Variants in PRKCH observed in about 807,000 individuals in gnomAD.
PRKCH encodes protein kinase C eta type.
A neutral mutation model predicts 82.5 loss-of-function variants in PRKCH; 28 were observed. The observed-to-expected ratio is 0.34, with a 90% CI of 0.25 to 0.47. The LOEUF (loss-of-function observed/expected upper bound fraction) is 0.47, where lower values mean the gene tolerates loss of function less well. Among genes scored for constraint, PRKCH ranks in the 20% least tolerant of loss-of-function variants. The probability of loss-of-function intolerance (pLI) is 1.00; values close to 1 mark genes in which losing one functional copy is unlikely to be tolerated. For missense variants in PRKCH, 705 were observed against 881.8 expected (o/e 0.80, Z 2.54); for synonymous variants, 322 against 327.4 (o/e 0.98, Z 0.18).
intron 1 of PRKCH, among the ~76,000 whole-genome samples, chr14:61,260,473 T>C (rs1049389731): frequency 2.0e-5 from 3 of 152,200 alleles, no homozygotes; most frequent in Non-Finnish European, 4.4e-5. Context: ...AAAACTATCA[T>C]ATGTTTATTG....
chr14:61,409,537 C>CA (rs113038985), intron 2 of PRKCH, among the ~76,000 whole-genome samples: 1 of 149,530 alleles, frequency 6.7e-6, no homozygotes, highest in Non-Finnish European at 1.5e-5. Context: ...GCATCTCCAC[C>CA]AAAAAAAGAA....
At chr14:61,200,952 T>C (rs150886879) in intron 1 of PRKCH, among the ~76,000 whole-genome samples, 47 of 152,212 alleles carry the variant, frequency 3.1e-4, no homozygotes, top group African/African-American at 1.1e-3. Context: ...GACTAGTGTA[T>C]ATTTTTTCAT....
At chr14:61,469,819 G>A (rs1464070678) in intron 9 of PRKCH, among the ~76,000 whole-genome samples, 3 of 151,946 alleles carry the variant, frequency 2.0e-5, no homozygotes, top group Non-Finnish European at 4.4e-5. Context: ...GCACTGGCAG[G>A]TTAGGGGGGA....
chr14:61,526,386 A>C (rs2042966874), intron 10 of PRKCH, among the ~76,000 whole-genome samples: 1 of 152,246 alleles, frequency 6.6e-6, no homozygotes, highest in Admixed American at 6.5e-5. Context: ...TACTAAGAGC[A>C]GAGAAGTCTG....
At chr14:61,218,267 C>T (rs2044628607) in intron 1 of PRKCH, among the ~76,000 whole-genome samples, 1 of 152,200 alleles carries the variant, frequency 6.6e-6, no homozygotes, top group Non-Finnish European at 1.5e-5. Context: ...TTCTTCCTCT[C>T]TCCCTCTCTC....
At chr14:61,464,819 G>T (rs1328910811) in intron 9 of PRKCH, among the ~76,000 whole-genome samples, 6 of 152,056 alleles carry the variant, frequency 3.9e-5, no homozygotes, top group African/African-American at 1.5e-4. Flanking sequence ...CCAAGTCTTT[G>T]GTATTGTAAA....
intron 10 of PRKCH, 23 bp from the exon 11 acceptor site, chr14:61,529,052 G>T (rs199812892): frequency 5.0e-6 from 8 of 1,588,300 alleles, no homozygotes; most frequent in Non-Finnish European, 6.9e-6. Flanking sequence ...GCCCTATCTC[G>T]TGCTGCTCTT....
chr14:61,300,752 G>A (rs74054788), intron 1 of PRKCH, among the ~76,000 whole-genome samples: 2,417 of 152,254 alleles, frequency 0.016, 76 homozygotes, highest in African/African-American at 0.055. Flanking sequence ...GCTTGCACGG[G>A]TGAATGGCTG....
At chr14:61,417,788 CTCTA>C (rs1392211982) in intron 2 of PRKCH, among the ~76,000 whole-genome samples, 1 of 152,148 alleles carries the variant, frequency 6.6e-6, no homozygotes, top group Non-Finnish European at 1.5e-5. Context: ...GTGATTGAAT[CTCTA>C]TCTGACAAGG....
chr14:61,530,747 T>G, intron 12 of PRKCH, 152 bp downstream of exon 12: 1 of 713,052 alleles, frequency 1.4e-6, no homozygotes, highest in Non-Finnish European at 2.1e-6. Context: ...GAACCAGAGT[T>G]CTGTCAGGCT....
chr14:61,528,970 GCA>G (rs2043007780), intron 10 of PRKCH, 103 bp from the exon 11 acceptor site: 3 of 1,112,000 alleles, frequency 2.7e-6, no homozygotes, highest in South Asian at 1.8e-5. Context: ...GCATGTGGCC[GCA>G]CGTGTGTGTG....
chr14:61,207,027 AC>A (rs2044530400), intron 1 of PRKCH, among the ~76,000 whole-genome samples: 1 of 139,774 alleles, frequency 7.2e-6, no homozygotes, highest in Non-Finnish European at 1.5e-5. Context: ...AATCGCTTGA[AC>A]CCAGCAGGTG....
At chr14:61,451,082 T>C in intron 6 of PRKCH, 111 bp downstream of exon 6, 1 of 1,311,002 alleles carries the variant, frequency 7.6e-7, no homozygotes, top group South Asian at 1.8e-5. Context: ...TTTAGATATG[T>C]TGTAAATCAA....
intron 1 of PRKCH, among the ~76,000 whole-genome samples, chr14:61,335,580 A>T (rs896533947): frequency 2.0e-5 from 3 of 152,206 alleles, no homozygotes; most frequent in African/African-American, 7.2e-5. Flanking sequence ...AATAAAAAAA[A>T]CCACAACCCC....
At chr14:61,202,515 G>A (rs2044489972) in intron 1 of PRKCH, among the ~76,000 whole-genome samples, 1 of 152,186 alleles carries the variant, frequency 6.6e-6, no homozygotes, top group Admixed American at 6.5e-5. Flanking sequence ...AAGGATACAG[G>A]CCACTTCAAA....
chr14:61,518,122 C>T (rs552541946), intron 10 of PRKCH, among the ~76,000 whole-genome samples: 7 of 152,258 alleles, frequency 4.6e-5, no homozygotes, highest in East Asian at 1.9e-4. Context: ...TACTGTTGGC[C>T]GCAGCATCCA....
chr14:61,488,642 G>A (rs1481200336), intron 10 of PRKCH, among the ~76,000 whole-genome samples: 1 of 152,208 alleles, frequency 6.6e-6, no homozygotes, highest in Non-Finnish European at 1.5e-5. Flanking sequence ...ATAAGGTAGA[G>A]TGGGCAAAAG....
At chr14:61,459,637 T>C (rs1318294030) in intron 9 of PRKCH, among the ~76,000 whole-genome samples, 1 of 152,196 alleles carries the variant, frequency 6.6e-6, no homozygotes, top group African/African-American at 2.4e-5. Context: ...ATTATGAAAA[T>C]CTAATTTCTT....
chr14:61,259,068 T>C (rs2045023144), intron 1 of PRKCH, among the ~76,000 whole-genome samples: 1 of 152,222 alleles, frequency 6.6e-6, no homozygotes, highest in Non-Finnish European at 1.5e-5. Flanking sequence ...GGAATGATGT[T>C]GTCACTGTGA....
Sources: allele counts gnomAD v4.1 joint callset (sites outside exome capture counted in the v4.1 genomes callset), GRCh38; gene constraint gnomAD v4.1.1; transcripts MANE v1.5; gene names NCBI Gene and HGNC (gene_info 2026-07-23, HGNC 2026-07-21).